FNTB: variants seen among roughly 807,000 people sequenced by gnomAD.
FNTB encodes the protein farnesyltransferase, CAAX box, subunit beta, also known as protein farnesyltransferase subunit beta.
FNTB carries 27 observed loss-of-function variants against 59.4 expected under a neutral mutation model. The observed-to-expected ratio is 0.45, with a 90% CI of 0.34 to 0.63. The LOEUF is 0.63. FNTB is among the 20% of genes least tolerant of loss of function. The pLI is 0.02. For synonymous variants in FNTB, 230 were observed against 220.7 expected (o/e 1.04, Z -0.37); for missense variants, 449 against 559.6 (o/e 0.80, Z 1.99).
At chr14:65,060,329 C>G (rs1054677698) in intron 11 of FNTB, among the ~76,000 whole-genome samples, 4 of 151,712 alleles carry the variant, frequency 2.6e-5, no homozygotes, top group Non-Finnish European at 5.9e-5. Flanking sequence ...TGGCTCACAC[C>G]TGTAACCCCA....
Position 65,028,246 on chromosome 14 carries a change from T to C in FNTB, c.605+465T>C, listed in dbSNP as rs914936648. Among the ~76,000 whole-genome samples the C allele has an allele frequency of 6.6e-6, 1 of 152,110 alleles. No homozygotes were observed. The highest frequency in any genetic ancestry group is 2.4e-5 in the African/African-American group (1 of 41,420). ...GTTTTTCTGGGAGGTGCAGAGAGCC[T>C]TGTGGGCCGGGAGAGTGCAGTGCAA... On this transcript the variant is annotated intron_variant, in intron 6 of 11. Transcript: ENST00000246166. This position sits in a 1 kb window ranked among gnomAD's most constrained non-coding sequence, Gnocchi z 4.4.
intron 1 of FNTB, among the ~76,000 whole-genome samples, chr14:64,999,455 A>C (rs980972359): frequency 6.6e-6 from 1 of 152,132 alleles, no homozygotes; most frequent in Non-Finnish European, 1.5e-5. Flanking sequence ...AAGAAAGTAA[A>C]TTAGTGGTTA....
At chr14:65,048,398 G>C (rs1595089028) in intron 9 of FNTB, among the ~76,000 whole-genome samples, 1 of 151,666 alleles carries the variant, frequency 6.6e-6, no homozygotes, top group African/African-American at 2.4e-5. Context: ...AAAAGGCATT[G>C]ATCATATTGC....
intron 1 of FNTB, among the ~76,000 whole-genome samples, chr14:64,999,625 A>G (rs370507666): frequency 4.6e-5 from 7 of 152,236 alleles, no homozygotes; most frequent in African/African-American, 1.7e-4. Context: ...GTTGAATGGT[A>G]TATGAATTAT....
chr14:65,033,149 A>C (rs2062118263), intron 7 of FNTB, among the ~76,000 whole-genome samples: 1 of 152,188 alleles, frequency 6.6e-6, no homozygotes, highest in Non-Finnish European at 1.5e-5. Flanking sequence ...GTTGCATCGG[A>C]ATATAATGTA....
chr14:65,015,517 C>CCTCCTCCCCCTTGCCAGGCTGCT, intron 3 of FNTB, 108 bp from the exon 4 acceptor site: 2 of 1,024,270 alleles, frequency 2.0e-6, no homozygotes, highest in Non-Finnish European at 2.8e-6. Flanking sequence ...GCAAGGGTGC[C>CCTCCTCCCCCTTGCCAGGCTGCT]CTCCTCCCCC....
chr14:64,991,376 C>T lies in FNTB; in HGVS notation c.144+4279C>T, dbSNP rs978402054. 7.2e-5 allele frequency among the ~76,000 whole-genome samples: 11 copies of T among 151,994 alleles called. No homozygotes were observed. The highest frequency in any genetic ancestry group is 1.9e-4 in the African/African-American group (8 of 41,376). Reference sequence around the variant, plus strand: ...CAGCACTTTGGGAGGCTGAGGCTGGCGGATCACTGGAGGTCAGGAGTTTGA... The same window carrying T: ...CAGCACTTTGGGAGGCTGAGGCTGGTGGATCACTGGAGGTCAGGAGTTTGA... On this transcript the variant is annotated intron_variant, in intron 1 of 11. Coordinates refer to ENST00000246166, the MANE Select transcript of FNTB (RefSeq NM_002028.4). This position sits in a 1 kb window ranked among gnomAD's most constrained non-coding sequence, Gnocchi z 4.4.
intron 1 of FNTB, among the ~76,000 whole-genome samples, chr14:65,003,999 C>T (rs1205687062): frequency 3.3e-5 from 5 of 152,214 alleles, no homozygotes; most frequent in African/African-American, 1.2e-4. Context: ...AACACCAAAA[C>T]TGCCATTAGT....
intron 1 of FNTB, among the ~76,000 whole-genome samples, chr14:64,993,791 A>G (rs1888291881): frequency 1.3e-5 from 2 of 152,120 alleles, no homozygotes; most frequent in African/African-American, 2.4e-5. Flanking sequence ...GTTGTTGTTT[A>G]CCACTTACTG....
intron 8 of FNTB, among the ~76,000 whole-genome samples, chr14:65,041,625 A>G (rs2062355708): frequency 6.6e-6 from 1 of 152,192 alleles, no homozygotes. Flanking sequence ...TTCAGATGCC[A>G]GCCTCCCGTT....
At chr14:65,026,871 A>C (rs2061991783) in intron 4 of FNTB, among the ~76,000 whole-genome samples, 1 of 152,130 alleles carries the variant, frequency 6.6e-6, no homozygotes, top group South Asian at 2.1e-4. Flanking sequence ...CAAAAAAAAA[A>C]ACAAAAAAAC....
chr14:65,038,161 A>G (rs2062256824), intron 7 of FNTB, among the ~76,000 whole-genome samples: 2 of 152,164 alleles, frequency 1.3e-5, no homozygotes, highest in African/African-American at 4.8e-5. Flanking sequence ...CTGTAATCCT[A>G]ACACTTTGGG....
chr14:65,051,261 C>G (rs902005564), intron 9 of FNTB, among the ~76,000 whole-genome samples: 5 of 152,206 alleles, frequency 3.3e-5, no homozygotes, highest in African/African-American at 1.2e-4. Flanking sequence ...AAACCCTTTT[C>G]CTCTGTGTCT....
rs2139512370 is a variant in FNTB, at chr14:65,012,430, A to G, written c.282+41A>G. ...AGGAACTCTTGCTGTCAAATTATCCACCAAATCCTCCTCCTTTTTCTATTT... is the reference window on the plus strand; with the variant it reads ...AGGAACTCTTGCTGTCAAATTATCCGCCAAATCCTCCTCCTTTTTCTATTT... On this transcript the variant is annotated intron_variant, in intron 3 of 11. Coordinates refer to ENST00000246166, the MANE Select transcript of FNTB (RefSeq NM_002028.4). This position sits in a 1 kb window ranked among gnomAD's most constrained non-coding sequence, Gnocchi z 5.0. 6.2e-7 allele frequency: 1 copy of G among 1,612,038 alleles called. No individual in the cohort carries two copies. Among genetic ancestry groups the G allele is most frequent in the Non-Finnish European group, 8.5e-7 (1 of 1,178,348 alleles).
At chr14:64,995,675 T>G (rs1285552963) in intron 1 of FNTB, among the ~76,000 whole-genome samples, 1 of 150,534 alleles carries the variant, frequency 6.6e-6, no homozygotes, top group Non-Finnish European at 1.5e-5. Flanking sequence ...CATACTTAGT[T>G]TATATTATAT....
chr14:65,010,366 G>C (rs978939684), intron 2 of FNTB, among the ~76,000 whole-genome samples: 5 of 152,206 alleles, frequency 3.3e-5, no homozygotes, highest in African/African-American at 1.2e-4. Context: ...CGTAGTCTGT[G>C]TGTGTAACCT....
intron 1 of FNTB, among the ~76,000 whole-genome samples, chr14:64,996,820 T>G (rs1340731714): frequency 6.7e-6 from 1 of 149,456 alleles, no homozygotes; most frequent in Non-Finnish European, 1.5e-5. Flanking sequence ...GAAAAGCAAT[T>G]AGAAATATAG....
At chr14:65,006,265 G>C (rs749525042) in intron 2 of FNTB, 1 of 1,613,812 alleles carries the variant, frequency 6.2e-7, no homozygotes, top group Non-Finnish European at 8.5e-7. Context: ...AGGTGGGAGG[G>C]TTAACTTCAT....
chr14:65,015,985 T>C (rs945301291), intron 4 of FNTB, among the ~76,000 whole-genome samples: 3 of 152,212 alleles, frequency 2.0e-5, no homozygotes, highest in Non-Finnish European at 4.4e-5. Context: ...GACTCTGGTC[T>C]TTGAGAAAAG....
Sources: allele counts gnomAD v4.1 joint callset (sites outside exome capture counted in the v4.1 genomes callset), GRCh38; gene constraint gnomAD v4.1.1; non-coding constraint Gnocchi (gnomAD v3.1); transcripts MANE v1.5; gene names NCBI Gene and HGNC (gene_info 2026-07-23, HGNC 2026-07-21).